The following MTMR2 variants were observed in gnomAD, a reference collection of about 807,000 sequenced individuals.
MTMR2 encodes the protein phosphatidylinositol-3,5-bisphosphate 3-phosphatase MTMR2.
In MTMR2, 55 loss-of-function variants were observed where a neutral mutation model predicts 86.9. The observed-to-expected ratio is 0.63, with a 90% confidence interval of 0.51 to 0.79. MTMR2 has a LOEUF of 0.79. Ranked by LOEUF, MTMR2 falls within the 30% of genes least tolerant of loss-of-function variation. MTMR2 has a pLI of 0.00. For missense variants in MTMR2, 659 were observed against 772.3 expected (o/e 0.85, Z 1.74); for synonymous variants, 241 against 266.8 (o/e 0.90, Z 0.94).
At chr11:95,848,082 T>C (rs1329313733) in intron 9 of MTMR2, among the ~76,000 whole-genome samples, 183 bp from the exon 10 acceptor site, 1 of 152,228 alleles carries the variant, frequency 6.6e-6, no homozygotes, top group Non-Finnish European at 1.5e-5. Context: ...TGTGTTCTTC[T>C]TTACAAAATG....
chr11:95,907,960 A>G lies in MTMR2; in HGVS notation c.80+15915T>C, dbSNP rs373976013. Reference sequence around the variant, plus strand: ...GAAAAAGACAAGAATGCCCACTGTCATCACTCATATTCAACATAACACTGT... The same window carrying G: ...GAAAAAGACAAGAATGCCCACTGTCGTCACTCATATTCAACATAACACTGT... On this transcript the variant is annotated intron_variant, in intron 1 of 14. Transcript: ENST00000346299. 1.9e-3 allele frequency: 744 copies of G among 394,922 alleles called. 11 individuals carry two copies. The highest frequency in any genetic ancestry group is 0.015 in the South Asian group (725 of 49,892). The allele number at this position is 394,922 out of a possible 1,614,324, so 24.5% of individuals were successfully genotyped here. A position where few individuals can be genotyped will look rare whatever the true frequency, so the allele number is the denominator to read the frequency against.
In MTMR2 at chr11:95,891,812, A is replaced by AAC. The variant is rs139332159; in HGVS notation, c.81-3553_81-3552dup. Among the ~76,000 whole-genome samples, 104 of 151,436 alleles carry AAC rather than the reference A, an allele frequency of 6.9e-4. 2 individuals are homozygous for AAC. Among genetic ancestry groups the AAC allele is most frequent in the East Asian group, 7.7e-4 (4 of 5,180 alleles). On this transcript the variant is annotated intron_variant, in intron 1 of 14. Transcript: ENST00000346299. ...GTACTGTTCTTGTGATTACGGCAGAAACACACACACACACAGAGAGAGAGA... is the reference window on the plus strand; with the variant it reads ...GTACTGTTCTTGTGATTACGGCAGAAACACACACACACACACAGAGAGAGAGA...
intron 3 of MTMR2, among the ~76,000 whole-genome samples, chr11:95,864,874 T>C (rs529462224): frequency 3.9e-5 from 6 of 152,300 alleles, no homozygotes; most frequent in African/African-American, 1.4e-4. Flanking sequence ...TTAAAAATTA[T>C]GATTGGTAAC....
rs189853717 is a variant in MTMR2, at chr11:95,873,115, A to T, written c.187-7439T>A. ...GTCTCTGCCAGGTTTTGGTATCAGG[A>T]TGATGCTGGCCTCATCAAATGAGTT... is the stretch of plus-strand genomic sequence containing the variant. On this transcript the variant is annotated intron_variant, in intron 2 of 14. Transcript: ENST00000346299. 1.3e-3 allele frequency among the ~76,000 whole-genome samples: 191 copies of T among 152,322 alleles called. 2 individuals carry two copies. The highest frequency in any genetic ancestry group is 4.3e-3 in the African/African-American group (178 of 41,568).
At position 95,847,762 on chromosome 11, in the gene MTMR2, G is replaced by A. The variant is rs566204; in HGVS notation, c.1131C>T (p.Thr377=). 0.34 allele frequency: 554,569 copies of A among 1,611,344 alleles called. 100,716 individuals carry two copies. Among genetic ancestry groups the A allele is most frequent in the Non-Finnish European group, 0.38 (448,383 of 1,177,766 alleles). ...KEIVYPNIEE[T]HWLSNLESTH... is the part of the protein sequence containing the mutation. ...TAGATTCCAAGTTAGACAACCAGTG[G>A]GTTTCCTCAATGTTGGGGTACACAA... The change falls in exon 10 of 15, where the codon ACC becomes ACT. Residue 377 remains threonine (T), a synonymous_variant. Coordinates refer to ENST00000346299, the MANE Select transcript of MTMR2 (RefSeq NM_016156.6).
intron 1 of MTMR2, among the ~76,000 whole-genome samples, chr11:95,911,496 G>C (rs1276673657): frequency 6.6e-6 from 1 of 152,068 alleles, no homozygotes; most frequent in Non-Finnish European, 1.5e-5. Flanking sequence ...AGGACTGGAG[G>C]GCAGGAAGGA....
chr11:95,862,247 T>C (rs1328445137), intron 4 of MTMR2, 25 bp downstream of exon 4: 1 of 1,577,114 alleles, frequency 6.3e-7, no homozygotes, highest in Non-Finnish European at 8.7e-7. Flanking sequence ...CTCATGTACA[T>C]ACAAAAATCT....
At chr11:95,887,236 G>GT (rs1470648351) in intron 2 of MTMR2, among the ~76,000 whole-genome samples, 19 of 152,118 alleles carry the variant, frequency 1.2e-4, no homozygotes, top group Non-Finnish European at 1.5e-5. Context: ...CTAAAATTGT[G>GT]TAAGTGTAAC....
chr11:95,869,030 G>T (rs1317902229), intron 2 of MTMR2, among the ~76,000 whole-genome samples: 3 of 151,606 alleles, frequency 2.0e-5, no homozygotes, highest in East Asian at 3.9e-4. Flanking sequence ...AATATACAAG[G>T]GATTTGTGGT....
At position 95,850,676 on chromosome 11, in the gene MTMR2, A is replaced by G; in HGVS notation, c.728T>C (p.Leu243Pro). ...AGGAATATTTGCTGGCACAACCAGGAGGGCAGGGTATGTATCACAAAGTTC... is the reference window on the plus strand; with the variant it reads ...AGGAATATTTGCTGGCACAACCAGGGGGGCAGGGTATGTATCACAAAGTTC... ...RYELCDTYPA[L>P]LVVPANIPDE... Residue 243 changes from leucine (L) to proline (P), a missense_variant, in exon 8 of 15, where the codon CTC becomes CCC. Transcript: ENST00000346299. The G allele has an allele frequency of 6.2e-7, 1 of 1,614,104 alleles. No individual in the cohort carries two copies. The highest frequency in any genetic ancestry group is 8.5e-7 in the Non-Finnish European group (1 of 1,179,936).
intron 4 of MTMR2, 85 bp from the exon 5 acceptor site, chr11:95,862,187 C>T: frequency 6.5e-7 from 1 of 1,529,342 alleles, no homozygotes; most frequent in Non-Finnish European, 9.0e-7. Context: ...ATCAGAAATG[C>T]TTTAATTAGA....
At chr11:95,915,853 A>T (rs1251068820) in intron 1 of MTMR2, among the ~76,000 whole-genome samples, 1 of 152,206 alleles carries the variant, frequency 6.6e-6, no homozygotes, top group Non-Finnish European at 1.5e-5. Flanking sequence ...AATACAATAT[A>T]GCACGGCAAT....
At chr11:95,869,115 TC>T (rs1565363173) in intron 2 of MTMR2, among the ~76,000 whole-genome samples, 8 of 151,866 alleles carry the variant, frequency 5.3e-5, no homozygotes, top group African/African-American at 1.9e-4. Context: ...CATACTACGC[TC>T]TGAGTCTTAG....
intron 2 of MTMR2, among the ~76,000 whole-genome samples, chr11:95,879,296 A>T (rs1366904118): frequency 6.6e-6 from 1 of 152,162 alleles, no homozygotes; most frequent in Non-Finnish European, 1.5e-5. Flanking sequence ...TTATAAGAGA[A>T]GGAACAGCAA....
intron 2 of MTMR2, among the ~76,000 whole-genome samples, chr11:95,875,427 G>T (rs772253733): frequency 3.7e-4 from 56 of 152,142 alleles, no homozygotes; most frequent in Non-Finnish European, 7.1e-4. Flanking sequence ...TAGTTCTCAT[G>T]CCACGGTTTT....
intron 1 of MTMR2, among the ~76,000 whole-genome samples, chr11:95,892,694 A>C (rs935766899): frequency 6.6e-6 from 1 of 152,192 alleles, no homozygotes; most frequent in Non-Finnish European, 1.5e-5. Context: ...ACTCTGTCGC[A>C]TATGTTCATT....
chr11:95,905,327 C>A (rs1565383810), intron 1 of MTMR2, among the ~76,000 whole-genome samples: 1 of 59,190 alleles, frequency 1.7e-5, no homozygotes, highest in African/African-American at 6.3e-5. Flanking sequence ...ACGCACGCAC[C>A]TGCGCACACA....
intron 3 of MTMR2, 83 bp downstream of exon 3, chr11:95,865,518 T>C: frequency 7.7e-7 from 1 of 1,306,920 alleles, no homozygotes; most frequent in South Asian, 1.2e-5. Flanking sequence ...TGACAGCCAG[T>C]TTATTCTCTG....
At chr11:95,867,816 GA>G (rs34354215) in intron 2 of MTMR2, among the ~76,000 whole-genome samples, 75,062 of 126,022 alleles carry the variant, frequency 0.6, 20,890 homozygotes, top group African/African-American at 0.72. Context: ...AAAAGGCCTA[GA>G]AAAAAAAAAA....
Sources: allele counts gnomAD v4.1 joint callset (sites outside exome capture counted in the v4.1 genomes callset), GRCh38; gene constraint gnomAD v4.1.1; transcripts MANE v1.5; gene names NCBI Gene and HGNC (gene_info 2026-07-23, HGNC 2026-07-21).